LOC128125817: variants seen among roughly 807,000 people sequenced by gnomAD.
the LOC128125817 span, among the ~76,000 whole-genome samples, chr1:41,606,983 T>C: frequency 2.6e-5 from 4 of 152,092 alleles, no homozygotes; most frequent in African/African-American, 4.8e-5. Context: ...TGTGTTTCTT[T>C]TTTTTTTATT....
chr1:41,595,962 A>C, the LOC128125817 span, among the ~76,000 whole-genome samples: 1 of 152,056 alleles, frequency 6.6e-6, no homozygotes, highest in South Asian at 2.1e-4. Context: ...TTATGTATAC[A>C]TCTATCCTAG....
At chr1:41,587,929 G>A in the LOC128125817 span, among the ~76,000 whole-genome samples, 4 of 152,168 alleles carry the variant, frequency 2.6e-5, no homozygotes, top group Admixed American at 1.3e-4. Context: ...CTGTATCCAC[G>A]GCAAGAGGGA....
At chr1:41,621,302 T>C in the LOC128125817 span, among the ~76,000 whole-genome samples, 1 of 152,224 alleles carries the variant, frequency 6.6e-6, no homozygotes, top group African/African-American at 2.4e-5. Flanking sequence ...GTAATTCTGT[T>C]ATGGGAGGGT....
chr1:41,617,869 C>T, the LOC128125817 span, among the ~76,000 whole-genome samples: 1 of 120,862 alleles, frequency 8.3e-6, no homozygotes, highest in Non-Finnish European at 1.9e-5. Context: ...ACTGGACAGG[C>T]TTCTAAGCAT....
the LOC128125817 span, among the ~76,000 whole-genome samples, chr1:41,616,691 G>A: frequency 7.6e-6 from 1 of 131,476 alleles, no homozygotes; most frequent in African/African-American, 2.9e-5. Flanking sequence ...GGCCTCAAAT[G>A]ATCCTCCCGC....
the LOC128125817 span, among the ~76,000 whole-genome samples, chr1:41,589,682 C>A: frequency 6.6e-6 from 1 of 152,168 alleles, no homozygotes; most frequent in African/African-American, 2.4e-5. Context: ...GACTGAGGAG[C>A]TGGGGTCCCC....
chr1:41,613,610 T>C, the LOC128125817 span, among the ~76,000 whole-genome samples: 3 of 152,406 alleles, frequency 2.0e-5, no homozygotes, highest in African/African-American at 4.8e-5. Flanking sequence ...AATTTGCTAA[T>C]GAGTAGAATT....
chr1:41,628,202 C>T, the LOC128125817 span, among the ~76,000 whole-genome samples: 189 of 152,308 alleles, frequency 1.2e-3, no homozygotes, highest in African/African-American at 4.3e-3. Context: ...ATCATTGCCC[C>T]AACCCTGACA....
the LOC128125817 span, among the ~76,000 whole-genome samples, chr1:41,590,115 T>C: frequency 1.3e-5 from 2 of 152,164 alleles, no homozygotes; most frequent in Admixed American, 6.5e-5. Context: ...AAAAAAATAC[T>C]AAAAGTGGCT....
chr1:41,594,903 T>G, the LOC128125817 span, among the ~76,000 whole-genome samples: 5 of 152,192 alleles, frequency 3.3e-5, no homozygotes, highest in African/African-American at 4.8e-5. Flanking sequence ...GGCACTTATT[T>G]GTGTGTAAGG....
At chr1:41,589,449 T>C in the LOC128125817 span, among the ~76,000 whole-genome samples, 1 of 151,180 alleles carries the variant, frequency 6.6e-6, no homozygotes, top group Non-Finnish European at 1.5e-5. Flanking sequence ...CTCAGGGGAG[T>C]GGGAAGTAAT....
chr1:41,622,531 A>T, the LOC128125817 span, among the ~76,000 whole-genome samples: 1 of 152,310 alleles, frequency 6.6e-6, no homozygotes, highest in African/African-American at 2.4e-5. Flanking sequence ...TTACTGGAAC[A>T]CAACCACGCC....
chr1:41,586,611 G>A, the LOC128125817 span, among the ~76,000 whole-genome samples: 3 of 152,158 alleles, frequency 2.0e-5, no homozygotes, highest in African/African-American at 7.2e-5. Flanking sequence ...GTTTCACTAG[G>A]TGTGTGATGA....
the LOC128125817 span, among the ~76,000 whole-genome samples, chr1:41,623,739 C>T: frequency 2.6e-5 from 4 of 152,214 alleles, no homozygotes; most frequent in African/African-American, 9.6e-5. Context: ...TCCAACCCCA[C>T]GCCGGTCTCT....
the LOC128125817 span, among the ~76,000 whole-genome samples, chr1:41,591,730 G>T: frequency 6.6e-6 from 1 of 151,918 alleles, no homozygotes; most frequent in Non-Finnish European, 1.5e-5. Context: ...TGGCAGAGCG[G>T]CTCTGTCTTG....
At chr1:41,625,565 T>A in the LOC128125817 span, among the ~76,000 whole-genome samples, 1 of 152,058 alleles carries the variant, frequency 6.6e-6, no homozygotes, top group African/African-American at 2.4e-5. Context: ...TAATAAATAA[T>A]AAATAAATGT....
the LOC128125817 span, among the ~76,000 whole-genome samples, chr1:41,610,765 T>C: frequency 6.6e-6 from 1 of 152,186 alleles, no homozygotes; most frequent in Non-Finnish European, 1.5e-5. Context: ...GCATTCGCAC[T>C]CTAGGTCCTG....
the LOC128125817 span, among the ~76,000 whole-genome samples, chr1:41,599,465 G>T: frequency 6.6e-6 from 1 of 152,254 alleles, no homozygotes; most frequent in South Asian, 2.1e-4. Flanking sequence ...TCTAATAATA[G>T]AGTAGAAAGA....
At chr1:41,587,405 C>A in the LOC128125817 span, among the ~76,000 whole-genome samples, 25 of 152,182 alleles carry the variant, frequency 1.6e-4, no homozygotes, top group Admixed American at 1.4e-3. Context: ...ACATCTCAGT[C>A]AACAGGGTGG....
Sources: allele counts gnomAD v4.1 joint callset (sites outside exome capture counted in the v4.1 genomes callset), GRCh38; gene constraint gnomAD v4.1.1; transcripts MANE v1.5.